Variants in WDR48 observed in about 807,000 individuals in gnomAD.
WDR48 encodes the protein WD repeat-containing protein 48.
In WDR48, 22 loss-of-function variants were observed where a neutral mutation model predicts 94.0. The ratio of observed to expected loss-of-function variants is 0.23; its 90% CI spans 0.17 to 0.33. The LOEUF (loss-of-function observed/expected upper bound fraction) is 0.33. WDR48 is among the 10% of genes least tolerant of loss of function. The pLI, the probability that WDR48 is intolerant of heterozygous loss-of-function variation, is 1.00. For missense variants in WDR48, 541 were observed against 813.8 expected (o/e 0.66, Z 4.08); for synonymous variants, 278 against 280.5 (o/e 0.99, Z 0.09).
In WDR48 at chr3:39,059,118, TTAAA is replaced by T. The variant is rs1394834732; in HGVS notation, c.49-3928_49-3925del. 2.0e-5 allele frequency among the ~76,000 whole-genome samples: 3 copies of T among 150,572 alleles called. No homozygotes were observed. The East Asian group carries it at 5.8e-4, about 29-fold the overall frequency. ...AAAATACAGAATGTGGTAAGAACTG[TTAAA>T]TAAGTAATGTAAGATAGATAGGGTC... On this transcript the variant is annotated intron_variant, in intron 1 of 18. Coordinates refer to ENST00000302313, the MANE Select transcript of WDR48 (RefSeq NM_020839.4).
chr3:39,076,991 T>C, intron 8 of WDR48, 148 bp from the exon 9 acceptor site: 1 of 785,432 alleles, frequency 1.3e-6, no homozygotes, highest in Non-Finnish European at 2.1e-6. Flanking sequence ...CTCTCTCATT[T>C]TTCTGTGCAT....
chr3:39,076,628 C>T (rs537663611), intron 8 of WDR48, among the ~76,000 whole-genome samples: 1 of 152,132 alleles, frequency 6.6e-6, no homozygotes, highest in South Asian at 2.1e-4. Context: ...TATATACATG[C>T]ACATAAACAT....
intron 1 of WDR48, among the ~76,000 whole-genome samples, chr3:39,061,154 G>A (rs1271880172): frequency 6.6e-6 from 1 of 152,072 alleles, no homozygotes; most frequent in Non-Finnish European, 1.5e-5. Flanking sequence ...CAACGTGCAG[G>A]TTTGTTACAT....
At chr3:39,061,356 T>A (rs1263362292) in intron 1 of WDR48, among the ~76,000 whole-genome samples, 1 of 152,092 alleles carries the variant, frequency 6.6e-6, no homozygotes, top group East Asian at 1.9e-4. Context: ...GGTGTTTGGT[T>A]TTCTGTCCTT....
chr3:39,092,876 T>TACACACACACACACAC (rs3033301), intron 17 of WDR48, among the ~76,000 whole-genome samples: 153 of 146,062 alleles, frequency 1.0e-3, no homozygotes, highest in African/African-American at 3.0e-3. Context: ...CATCTCTGTC[T>TACACACACACACACAC]ACACACACAC....
chr3:39,094,460 A>T (rs2035239199), intron 18 of WDR48, 188 bp from the exon 19 acceptor site: 2 of 1,533,624 alleles, frequency 1.3e-6, no homozygotes, highest in Non-Finnish European at 1.7e-6. Context: ...GCATAGTCAC[A>T]AAAGATGTAC....
At chr3:39,065,366 G>C (rs1405314377) in intron 2 of WDR48, among the ~76,000 whole-genome samples, 4 of 152,140 alleles carry the variant, frequency 2.6e-5, no homozygotes, top group Admixed American at 6.5e-5. Context: ...TTCAGACCAG[G>C]CTCCTTAGTG....
At chr3:39,084,773 C>A in intron 13 of WDR48, 32 bp downstream of exon 13, 1 of 1,579,628 alleles carries the variant, frequency 6.3e-7, no homozygotes, top group Non-Finnish European at 8.7e-7. Flanking sequence ...TTTTTTCCTC[C>A]CTTCTAAAGA....
chr3:39,090,176 G>C (rs2035009550), intron 16 of WDR48: 1 of 152,166 alleles, frequency 6.6e-6, no homozygotes, highest in Non-Finnish European at 1.5e-5. Flanking sequence ...CTAAAAAATA[G>C]GCAAATAGTA....
At position 39,095,127 on chromosome 3, in the gene WDR48, A is replaced by C. The variant is rs1575443758; in HGVS notation, c.*384A>C. On this transcript the variant is annotated 3_prime_UTR_variant, in exon 19 of 19. Coordinates refer to ENST00000302313, the MANE Select transcript of WDR48 (RefSeq NM_020839.4). Reference sequence around the variant, plus strand: ...CACAACTGTCTCTGTTTCAACTTTAAGCCCACACACTCTGTAGCTTTTCTA... The same window carrying C: ...CACAACTGTCTCTGTTTCAACTTTACGCCCACACACTCTGTAGCTTTTCTA... 2 of 216,810 alleles carry C rather than the reference A, an allele frequency of 9.2e-6. No individual in the cohort carries two copies. The highest frequency in any genetic ancestry group is 2.1e-4 in the East Asian group (2 of 9,502). The allele number at this position is 216,810 out of a possible 1,614,324, so 13.4% of individuals were successfully genotyped here. A position where few individuals can be genotyped will look rare whatever the true frequency, so the allele number is the denominator to read the frequency against.
intron 1 of WDR48, among the ~76,000 whole-genome samples, chr3:39,059,160 A>G (rs2125636037): frequency 6.6e-6 from 1 of 152,124 alleles, no homozygotes; most frequent in Non-Finnish European, 1.5e-5. Flanking sequence ...AACCCTGAGG[A>G]GAATGAGATC....
rs1235594832 is a variant in WDR48, at chr3:39,077,142, G to A, written c.901G>A (p.Glu301Lys). The part of the protein sequence containing the change: ...CEEKAPVLKM[E>K]LDRSADPPPA... ...TATTTTTGTGCTTTGTTTTCAGATG[G>A]AGCTTGATAGATCAGCTGATCCTCC... is the stretch of plus-strand genomic sequence containing the variant. The change falls in exon 9 of 19, where the codon GAG becomes AAG. Residue 301 changes from glutamate to lysine, a missense_variant. By Grantham distance (56) the Glu-to-Lys change is moderately conservative. Around this residue, in one of 5 missense-constraint regions of WDR48, gnomAD observed 238 missense variants for 285.3 expected, o/e 0.83. Transcript: ENST00000302313. 2 of 1,614,080 alleles carry A rather than the reference G, an allele frequency of 1.2e-6. No homozygotes were observed. Among genetic ancestry groups the A allele is most frequent in the East Asian group, 2.2e-5 (1 of 44,870 alleles).
intron 8 of WDR48, among the ~76,000 whole-genome samples, chr3:39,075,996 G>C (rs541854048): frequency 1.3e-5 from 2 of 152,062 alleles, no homozygotes; most frequent in Admixed American, 1.3e-4. Context: ...ACACGTGGCC[G>C]GAAGTTTCCA....
At chr3:39,073,775 C>T (rs1316767430) in intron 7 of WDR48, among the ~76,000 whole-genome samples, 1 of 152,186 alleles carries the variant, frequency 6.6e-6, no homozygotes, top group East Asian at 1.9e-4. Context: ...TGTTAACTCA[C>T]TTGAGGCTCA....
intron 7 of WDR48, among the ~76,000 whole-genome samples, chr3:39,073,113 T>C (rs778582223): frequency 2.6e-5 from 4 of 152,196 alleles, no homozygotes; most frequent in Non-Finnish European, 4.4e-5. Flanking sequence ...ATGCATAGTC[T>C]AGGATCTGAG....
chr3:39,072,168 A>G (rs2033976988), intron 7 of WDR48, among the ~76,000 whole-genome samples: 1 of 152,188 alleles, frequency 6.6e-6, no homozygotes, highest in Non-Finnish European at 1.5e-5. Context: ...TAAGATTCTT[A>G]TTTACCAAAT....
At chr3:39,088,393 T>C (rs1276346466) in intron 15 of WDR48, among the ~76,000 whole-genome samples, 160 bp downstream of exon 15, 1 of 152,246 alleles carries the variant, frequency 6.6e-6, no homozygotes, top group Non-Finnish European at 1.5e-5. Flanking sequence ...TAGTGAAATG[T>C]CTGCTGCTGT....
chr3:39,068,985 ACT>A, intron 6 of WDR48, 126 bp downstream of exon 6: 2 of 686,500 alleles, frequency 2.9e-6, no homozygotes, highest in East Asian at 6.0e-5. Flanking sequence ...ACTGGGTCTC[ACT>A]CTGTCACCCA....
At chr3:39,072,355 C>T (rs2033987635) in intron 7 of WDR48, among the ~76,000 whole-genome samples, 2 of 152,156 alleles carry the variant, frequency 1.3e-5, no homozygotes. Flanking sequence ...CAGTCATGTC[C>T]TTGTATGTCA....
Sources: allele counts gnomAD v4.1 joint callset (sites outside exome capture counted in the v4.1 genomes callset), GRCh38; gene constraint gnomAD v4.1.1; regional missense constraint gnomAD v4.1.1; transcripts MANE v1.5; gene names NCBI Gene and HGNC (gene_info 2026-07-23, HGNC 2026-07-21).